ADAMTS17: variants seen among roughly 807,000 people sequenced by gnomAD.
ADAMTS17 encodes the protein A disintegrin and metalloproteinase with thrombospondin motifs 17.
In ADAMTS17, 113 loss-of-function variants were observed where a neutral mutation model predicts 141.5. The ratio of observed to expected loss-of-function variants is 0.80; its 90% CI spans 0.69 to 0.93. The LOEUF (loss-of-function observed/expected upper bound fraction) is 0.93. Ranked by LOEUF, ADAMTS17 falls within the 40% of genes least tolerant of loss-of-function variation. ADAMTS17 has a pLI of 0.00. For synonymous variants in ADAMTS17, 768 were observed against 630.6 expected (o/e 1.22, Z -3.27); for missense variants, 1,659 against 1,517.9 (o/e 1.09, Z -1.54).
intron 8 of ADAMTS17, 24 bp from the exon 9 acceptor site, chr15:100,155,344 G>A (rs375135569): frequency 1.2e-6 from 2 of 1,608,614 alleles, no homozygotes; most frequent in African/African-American, 2.7e-5. Flanking sequence ...AGGAGAGAGG[G>A]ATGCTTATGC....
intron 7 of ADAMTS17, among the ~76,000 whole-genome samples, chr15:100,225,777 T>G (rs1458139551): frequency 6.9e-6 from 1 of 145,658 alleles, no homozygotes; most frequent in Admixed American, 6.9e-5. Context: ...TCCCATTCTG[T>G]CCTTACAGCA....
rs146428081 is a variant in ADAMTS17 at position 100,051,717 on chromosome 15, G to A, written c.2310C>T (p.His770=). 2.7e-5 allele frequency: 43 copies of A among 1,614,036 alleles called. No homozygotes were observed. Among genetic ancestry groups the A allele is most frequent in the African/African-American group, 6.7e-5 (5 of 74,910 alleles). The change falls in exon 17 of 22, where the codon CAC becomes CAT. Residue 770 remains histidine, a synonymous_variant. Coordinates refer to ENST00000268070, the MANE Select transcript of ADAMTS17 (RefSeq NM_139057.4). ...LPLHLMVLLF[H]DQDYGIHYEY... is the part of the protein sequence containing the mutation. ...CATAATGAATTCCATAATCTTGGTCGTGAAATAACAACACCTGGATCAGCC... is the reference window on the plus strand; with the variant it reads ...CATAATGAATTCCATAATCTTGGTCATGAAATAACAACACCTGGATCAGCC...
At chr15:100,162,889 T>G (rs1228043033) in intron 8 of ADAMTS17, among the ~76,000 whole-genome samples, 1 of 146,806 alleles carries the variant, frequency 6.8e-6, no homozygotes, top group Non-Finnish European at 1.5e-5. Flanking sequence ...TATATATATG[T>G]GTATATAGAA....
At chr15:100,117,778 GT>G (rs1293553615) in intron 12 of ADAMTS17, among the ~76,000 whole-genome samples, 1 of 152,158 alleles carries the variant, frequency 6.6e-6, no homozygotes, top group Admixed American at 6.5e-5. Flanking sequence ...GGTTCCATTC[GT>G]TTCCATGATG....
intron 18 of ADAMTS17, among the ~76,000 whole-genome samples, chr15:100,022,552 C>T (rs1193494074): frequency 6.6e-6 from 1 of 152,202 alleles, no homozygotes; most frequent in Non-Finnish European, 1.5e-5. Flanking sequence ...AGATGTTCTT[C>T]AGGCAGGCAA....
At chr15:100,057,181 A>G (rs936665987) in intron 15 of ADAMTS17, among the ~76,000 whole-genome samples, 3 of 152,130 alleles carry the variant, frequency 2.0e-5, no homozygotes, top group Non-Finnish European at 4.4e-5. Flanking sequence ...AGTGGAAGGT[A>G]AAGTTTTTTC....
At chr15:100,137,136 G>C (rs2038375293) in intron 10 of ADAMTS17, among the ~76,000 whole-genome samples, 1 of 152,212 alleles carries the variant, frequency 6.6e-6, no homozygotes, top group African/African-American at 2.4e-5. Context: ...ACTAAGAAAT[G>C]ACTGAAGAAC....
intron 7 of ADAMTS17, among the ~76,000 whole-genome samples, chr15:100,249,679 T>G (rs1161921667): frequency 6.6e-6 from 1 of 152,156 alleles, no homozygotes; most frequent in South Asian, 2.1e-4. Flanking sequence ...TTCCAGTAGG[T>G]GCCCTTGGCT....
chr15:100,184,517 T>G (rs1426734261), intron 8 of ADAMTS17, among the ~76,000 whole-genome samples: 4 of 152,214 alleles, frequency 2.6e-5, no homozygotes, highest in Non-Finnish European at 5.9e-5. Flanking sequence ...AGGCTGTCAG[T>G]GTCCCCATTA....
At chr15:100,306,385 G>T in intron 3 of ADAMTS17, 1 of 428,596 alleles carries the variant, frequency 2.3e-6, no homozygotes. Context: ...GGGAGCCCTG[G>T]TGGCCATAGA....
intron 6 of ADAMTS17, among the ~76,000 whole-genome samples, chr15:100,258,709 G>C (rs1246868631): frequency 7.2e-5 from 11 of 151,972 alleles, no homozygotes; most frequent in Non-Finnish European, 1.6e-4. Flanking sequence ...TTTGGGTGGG[G>C]ACACAGCAAA....
intron 4 of ADAMTS17, among the ~76,000 whole-genome samples, chr15:100,265,152 G>A (rs1411317295): frequency 6.6e-6 from 1 of 152,144 alleles, no homozygotes; most frequent in Non-Finnish European, 1.5e-5. Context: ...CCTGCCAGGT[G>A]CCGACCACAG....
chr15:100,115,373 G>T (rs2037050401), intron 13 of ADAMTS17, among the ~76,000 whole-genome samples: 1 of 152,186 alleles, frequency 6.6e-6, no homozygotes, highest in Admixed American at 6.5e-5. Flanking sequence ...GGGTGCAAAG[G>T]CCGTGTTTCT....
Position 100,058,647 on chromosome 15 carries a change from G to A in ADAMTS17, c.2138-4593C>T, listed in dbSNP as rs531525326. Reference sequence around the variant, plus strand: ...CTGGGGAAGCCCTGCTTCTGCCATCGGAGGCCCGACACTGGGCGGCAGCAG... The same window carrying A: ...CTGGGGAAGCCCTGCTTCTGCCATCAGAGGCCCGACACTGGGCGGCAGCAG... On this transcript the variant is annotated intron_variant, in intron 15 of 21. Coordinates refer to ENST00000268070, the MANE Select transcript of ADAMTS17 (RefSeq NM_139057.4). 5.3e-5 allele frequency among the ~76,000 whole-genome samples: 8 copies of A among 152,158 alleles called. No homozygotes were observed. The East Asian group carries it at 5.8e-4, about 11-fold the overall frequency.
chr15:100,189,178 T>C (rs1165982778), intron 8 of ADAMTS17, among the ~76,000 whole-genome samples: 4 of 152,238 alleles, frequency 2.6e-5, no homozygotes, highest in Non-Finnish European at 4.4e-5. Context: ...AGTCCTAGGG[T>C]GCCTCTCCAC....
At chr15:100,026,106 A>G (rs1028628285) in intron 18 of ADAMTS17, among the ~76,000 whole-genome samples, 1 of 152,214 alleles carries the variant, frequency 6.6e-6, no homozygotes, top group African/African-American at 2.4e-5. Context: ...GACTCCTACC[A>G]TCACAGGTTT....
intron 4 of ADAMTS17, among the ~76,000 whole-genome samples, chr15:100,275,228 G>A (rs2044040243): frequency 6.6e-6 from 1 of 152,192 alleles, no homozygotes; most frequent in Non-Finnish European, 1.5e-5. Flanking sequence ...CCTAGTGAAA[G>A]TCAGTGTTGA....
rs1022248880 is a variant in ADAMTS17, at chr15:100,070,547, A to G, written c.2138-16493T>C. 4.0e-5 allele frequency among the ~76,000 whole-genome samples: 6 copies of G among 150,384 alleles called. 1 individual carries two copies. The highest frequency in any genetic ancestry group is 1.5e-4 in the African/African-American group (6 of 40,736). On this transcript the variant is annotated intron_variant, in intron 15 of 21. Transcript: ENST00000268070. Reference sequence around the variant, plus strand: ...TAGAAATTATAACAAACTGTCTCTCAGACCACGGTGCAATCAAACTAGAAC... The same window carrying G: ...TAGAAATTATAACAAACTGTCTCTCGGACCACGGTGCAATCAAACTAGAAC...
intron 3 of ADAMTS17, among the ~76,000 whole-genome samples, chr15:100,290,428 G>C (rs28809603): frequency 0.46 from 70,090 of 152,018 alleles, 19,027 homozygotes; most frequent in African/African-American, 0.77. Flanking sequence ...AATAGCCATA[G>C]TGTCCAAAGC....
Sources: allele counts gnomAD v4.1 joint callset (sites outside exome capture counted in the v4.1 genomes callset), GRCh38; gene constraint gnomAD v4.1.1; transcripts MANE v1.5; gene names NCBI Gene and HGNC (gene_info 2026-07-23, HGNC 2026-07-21).